The following TRAK1 variants were observed in gnomAD, a reference collection of about 807,000 sequenced individuals.
TRAK1 encodes the protein trafficking kinesin protein 1.
Under a neutral mutation model 92.1 loss-of-function variants are expected in TRAK1, and 33 were observed. The ratio of observed to expected loss-of-function variants is 0.36; its 90% CI spans 0.27 to 0.48. TRAK1 has a LOEUF of 0.48. TRAK1 is among the 20% of genes least tolerant of loss of function. The pLI, the probability that TRAK1 is intolerant of heterozygous loss-of-function variation, is 0.99. For synonymous variants in TRAK1, 521 were observed against 517.3 expected, an observed-to-expected ratio of 1.01 and a Z score of -0.10; for missense variants, 1,123 against 1,257.9, an observed-to-expected ratio of 0.89 and a Z score of 1.62.
chr3:42,222,856 A>ACC, intron 15 of TRAK1, 86 bp from the exon 16 acceptor site: 1 of 1,469,504 alleles, frequency 6.8e-7, no homozygotes, highest in Non-Finnish European at 9.3e-7. Flanking sequence ...GGTCGTCCCT[A>ACC]CCCCCCCTGC....
intron 1 of TRAK1, among the ~76,000 whole-genome samples, chr3:42,060,934 TTTG>T (rs533179438): frequency 6.6e-6 from 1 of 151,964 alleles, no homozygotes; most frequent in South Asian, 2.1e-4. Context: ...CCCGGCCTTT[TTTG>T]TTGTTGTTGT....
intron 2 of TRAK1, among the ~76,000 whole-genome samples, chr3:42,150,572 G>A (rs1320405839): frequency 1.3e-5 from 2 of 152,164 alleles, no homozygotes; most frequent in African/African-American, 4.8e-5. Context: ...CTTTTTAATT[G>A]AGTCGGGAGT....
intron 2 of TRAK1, among the ~76,000 whole-genome samples, chr3:42,128,553 G>A (rs891779047): frequency 3.3e-5 from 5 of 152,100 alleles, no homozygotes; most frequent in Non-Finnish European, 7.3e-5. Flanking sequence ...AGGGTCTGTA[G>A]AGAGAATTTA....
intron 2 of TRAK1, among the ~76,000 whole-genome samples, chr3:42,169,092 G>A (rs925946411): frequency 6.6e-6 from 1 of 152,050 alleles, no homozygotes; most frequent in African/African-American, 2.4e-5. Flanking sequence ...CCAAAGTGCT[G>A]GGATTACAGG....
chr3:42,125,545 CCT>C lies in TRAK1; in HGVS notation c.221_222del (p.Leu74HisfsTer8). The C allele has an allele frequency of 6.2e-7, 1 of 1,614,224 alleles. No individual in the cohort carries two copies. Among genetic ancestry groups the C allele is most frequent in the Non-Finnish European group, 8.5e-7 (1 of 1,180,018 alleles). ...TGACCACGACGACTGGCTCCATACA[CCT>C]CTCATTTCTCCAGATGCCAACATTG... ...GYDHDDWLHT[P>X]LISPDANIDL... is the part of the protein sequence containing the mutation. On this transcript the variant is annotated frameshift_variant, in exon 2 of 16. Coordinates refer to ENST00000327628, the MANE Select transcript of TRAK1 (RefSeq NM_001042646.3). LOFTEE classifies it high-confidence loss of function.
At chr3:42,046,338 TAA>T (rs11411603) in intron 1 of TRAK1, among the ~76,000 whole-genome samples, 3 of 143,140 alleles carry the variant, frequency 2.1e-5, no homozygotes, top group Admixed American at 7.0e-5. Flanking sequence ...AGAGAACATT[TAA>T]AAAAAAAAAA....
At chr3:42,174,473 G>A (rs939523211) in intron 2 of TRAK1, among the ~76,000 whole-genome samples, 1 of 151,872 alleles carries the variant, frequency 6.6e-6, no homozygotes, top group African/African-American at 2.4e-5. Flanking sequence ...ACTGGATAAA[G>A]GGTATACAGG....
chr3:42,057,451 A>G (rs1322834244), intron 1 of TRAK1, among the ~76,000 whole-genome samples: 4 of 152,118 alleles, frequency 2.6e-5, no homozygotes, highest in African/African-American at 9.7e-5. Context: ...ATTTCATTCC[A>G]TTCTTAAGCC....
chr3:42,022,205 A>C (rs1701746485), intron 1 of TRAK1, among the ~76,000 whole-genome samples: 1 of 152,206 alleles, frequency 6.6e-6, no homozygotes. Flanking sequence ...ATTGCTTTGG[A>C]TTCGAATATC....
At chr3:42,085,486 A>T (rs1399874470), upstream of TRAK1, among the ~76,000 whole-genome samples, 1 of 152,180 alleles carries the variant, frequency 6.6e-6, no homozygotes, top group Non-Finnish European at 1.5e-5. Flanking sequence ...CAAAATTTGA[A>T]ACTCTTCTGT....
chr3:42,019,176 T>C (rs1264273468), intron 1 of TRAK1, among the ~76,000 whole-genome samples: 1 of 152,186 alleles, frequency 6.6e-6, no homozygotes, highest in African/African-American at 2.4e-5. Context: ...ATCTCACTTT[T>C]TTTTGTCTCT....
At chr3:42,021,506 G>A (rs1050835842) in intron 1 of TRAK1, among the ~76,000 whole-genome samples, 6 of 152,156 alleles carry the variant, frequency 3.9e-5, no homozygotes, top group African/African-American at 1.2e-4. Flanking sequence ...TTGTTGCTTA[G>A]GTGTGTTGAA....
intron 1 of TRAK1, among the ~76,000 whole-genome samples, chr3:42,122,317 A>G (rs1445354733): frequency 2.6e-5 from 4 of 151,686 alleles, no homozygotes; most frequent in African/African-American, 9.7e-5. Flanking sequence ...TAAGTGAGAC[A>G]TTATTCTGAG....
chr3:42,186,001 GA>G (rs1704787661), intron 4 of TRAK1, among the ~76,000 whole-genome samples: 1 of 24,604 alleles, frequency 4.1e-5, no homozygotes, highest in Non-Finnish European at 7.8e-5. Flanking sequence ...TTTTTTTTTT[GA>G]GATAAGGTCT....
intron 2 of TRAK1, among the ~76,000 whole-genome samples, chr3:42,176,183 C>CTG (rs1194942297): frequency 1.3e-5 from 2 of 152,016 alleles, no homozygotes; most frequent in African/African-American, 4.8e-5. Flanking sequence ...TGAAATATTA[C>CTG]TCTGTGTGTG....
intron 1 of TRAK1, among the ~76,000 whole-genome samples, chr3:42,059,433 T>C (rs1576206524): frequency 1.3e-5 from 2 of 152,332 alleles, no homozygotes; most frequent in South Asian, 4.1e-4. Flanking sequence ...TGACTTGTCT[T>C]CATCAGTTAT....
chr3:42,162,662 TTA>T (rs1387058264), intron 2 of TRAK1, among the ~76,000 whole-genome samples: 1 of 152,178 alleles, frequency 6.6e-6, no homozygotes, highest in Admixed American at 6.6e-5. Flanking sequence ...TTTAGGTATC[TTA>T]GGGGTCTGGT....
intron 2 of TRAK1, among the ~76,000 whole-genome samples, chr3:42,161,457 GC>G (rs1428316470): frequency 1.3e-5 from 2 of 152,030 alleles, no homozygotes; most frequent in Non-Finnish European, 2.9e-5. Context: ...GCTCACGGCA[GC>G]CTTGACCTTC....
At chr3:42,218,236 C>T in intron 14 of TRAK1, 2 of 985,400 alleles carry the variant, frequency 2.0e-6, no homozygotes, top group South Asian at 9.4e-5. Flanking sequence ...ACATAGTCAA[C>T]TGTGTGGACC....
Sources: gnomAD v4.1 joint callset for allele counts (sites outside exome capture counted in the v4.1 genomes callset) on GRCh38, gnomAD v4.1.1 for gene constraint, MANE v1.5 for transcripts, NCBI Gene and HGNC (gene_info 2026-07-23, HGNC 2026-07-21) for gene names.